The following CNKSR2 variants were observed in gnomAD, a reference collection of about 807,000 sequenced individuals.
CNKSR2 encodes the protein connector enhancer of kinase suppressor of Ras 2.
In CNKSR2, 14 loss-of-function variants were observed where a neutral mutation model predicts 84.4. The ratio of observed to expected loss-of-function variants is 0.17; its 90% CI spans 0.11 to 0.26. The LOEUF is 0.26. CNKSR2 is among the 10% of genes least tolerant of loss of function. The pLI is 1.00. For missense variants in CNKSR2, 485 were observed against 771.2 expected, an observed-to-expected ratio of 0.63 and a Z score of 4.40; for synonymous variants, 275 against 277.9, an observed-to-expected ratio of 0.99 and a Z score of 0.10.
intron 11 of CNKSR2, among the ~76,000 whole-genome samples, chrX:21,532,661 A>G (rs1051854925): frequency 6.3e-5 from 7 of 111,436 alleles, no homozygotes; most frequent in African/African-American, 1.9e-4. Flanking sequence ...TTCATGACCG[A>G]AAAAGTAACC....
chrX:21,522,399 C>T (rs891097042), intron 9 of CNKSR2, among the ~76,000 whole-genome samples: 1 of 111,064 alleles, frequency 9.0e-6, no homozygotes, highest in Non-Finnish European at 1.9e-5. Context: ...ATGTGTAATG[C>T]ACTGTTTTAA....
At chrX:21,481,863 C>T (rs952865028) in intron 5 of CNKSR2, among the ~76,000 whole-genome samples, 2 of 111,612 alleles carry the variant, frequency 1.8e-5, no homozygotes, top group Non-Finnish European at 3.8e-5. Flanking sequence ...CTCAGTCATA[C>T]AGCCACAAGG....
chrX:21,399,246 T>G (rs2090157765), intron 1 of CNKSR2, among the ~76,000 whole-genome samples: 2 of 111,524 alleles, frequency 1.8e-5, no homozygotes, highest in African/African-American at 6.5e-5. Flanking sequence ...TAGAAGTGTT[T>G]TCTTAATATG....
chrX:21,388,694 A>G (rs781221925), intron 1 of CNKSR2, among the ~76,000 whole-genome samples: 17 of 111,931 alleles, frequency 1.5e-4, no homozygotes, highest in African/African-American at 5.5e-4. Context: ...AAGTAGAGAA[A>G]TGGAGGAGAA....
chrX:21,604,966 C>T (rs994882353), intron 18 of CNKSR2, among the ~76,000 whole-genome samples: 3 of 111,980 alleles, frequency 2.7e-5, no homozygotes, highest in Non-Finnish European at 3.8e-5. Flanking sequence ...TGTCATGCTA[C>T]TACAAATATA....
At position 21,653,403 on chromosome X, in the gene CNKSR2, A is replaced by G. The variant is rs1182125159; in HGVS notation, c.*882A>G. On this transcript the variant is annotated 3_prime_UTR_variant, in exon 22 of 22. Transcript: ENST00000379510. The stretch of plus-strand genomic sequence containing the variant: ...CCCAAACTCATGTTTTTAAACTCCA[A>G]CTCTTAAAAGACAACAAGGTATAAA... The G allele has an allele frequency of 9.1e-6, 1 of 110,378 alleles. No individual in the cohort carries two copies. The highest frequency in any genetic ancestry group is 3.3e-5 in the African/African-American group (1 of 30,390). 9.1% of individuals were successfully genotyped at this position (110,378 alleles called of 1,213,427 possible).
chrX:21,583,049 T>C (rs1435027232), intron 13 of CNKSR2, among the ~76,000 whole-genome samples: 1 of 111,986 alleles, frequency 8.9e-6, no homozygotes, highest in Non-Finnish European at 1.9e-5. Context: ...GACTGCTAAT[T>C]TACTGGTTTA....
intron 1 of CNKSR2, among the ~76,000 whole-genome samples, chrX:21,403,803 A>G (rs1460770985): frequency 2.7e-5 from 3 of 111,845 alleles, no homozygotes; most frequent in Non-Finnish European, 5.7e-5. Flanking sequence ...AATTAAATGC[A>G]GAATCTTACC....
intron 1 of CNKSR2, among the ~76,000 whole-genome samples, chrX:21,409,235 T>G (rs1485965186): frequency 4.3e-4 from 1 of 2,327 alleles, no homozygotes; most frequent in Non-Finnish European, 7.4e-4. Context: ...AAATTATATA[T>G]ATATATATAT....
chrX:21,490,359 A>G lies in CNKSR2; in HGVS notation c.562-100A>G, dbSNP rs1003938435. 1.1e-5 allele frequency: 9 copies of G among 833,849 alleles called. No homozygotes were observed. In the African/African-American group the frequency reaches 1.9e-4, roughly 17 times the overall value. 68.7% of individuals were successfully genotyped at this position (833,849 alleles called of 1,213,427 possible). Reference sequence around the variant, plus strand: ...AATAAAATGCCAGTTACTTTCTTCTACTGTTTATTTTTCCTTATGAAAACG... The same window carrying G: ...AATAAAATGCCAGTTACTTTCTTCTGCTGTTTATTTTTCCTTATGAAAACG... On this transcript the variant is annotated intron_variant, in intron 5 of 21. Coordinates refer to ENST00000379510, the MANE Select transcript of CNKSR2 (RefSeq NM_014927.5).
At chrX:21,447,135 A>G (rs1285032710) in intron 4 of CNKSR2, among the ~76,000 whole-genome samples, 1 of 111,437 alleles carries the variant, frequency 9.0e-6, no homozygotes, top group African/African-American at 3.3e-5. Context: ...CAATTTATGT[A>G]TTTCTGAATT....
intron 1 of CNKSR2, among the ~76,000 whole-genome samples, chrX:21,389,606 G>C (rs1286806844): frequency 9.0e-6 from 1 of 111,660 alleles, no homozygotes; most frequent in East Asian, 2.8e-4. Flanking sequence ...AGGGCACTTG[G>C]GATATAGAGT....
rs1180787577 is a variant in CNKSR2, at chrX:21,609,326, TCCCCAGAGCACAGGCGGCAGTCTA to T, written c.2405_2428del (p.Pro802_Thr809del). 1.7e-6 allele frequency: 2 copies of T among 1,211,101 alleles called. No individual in the cohort carries two copies. The highest frequency in any genetic ancestry group is 2.2e-6 in the Non-Finnish European group (2 of 895,306). Reference sequence around the variant, plus strand: ...TGTCTTCTCTGACTCCGCGGCCATCTCCCCAGAGCACAGGCGGCAGTCTACCCTGCCAACTCAGAAATGCCACCT... The same window carrying T: ...TGTCTTCTCTGACTCCGCGGCCATCTCCCTGCCAACTCAGAAATGCCACCT... On this transcript the variant is annotated inframe_deletion, in exon 20 of 22. Transcript: ENST00000379510.
chrX:21,394,925 A>G (rs2090101310), intron 1 of CNKSR2, among the ~76,000 whole-genome samples: 1 of 111,638 alleles, frequency 9.0e-6, no homozygotes, highest in Non-Finnish European at 1.9e-5. Context: ...AAATGAACCA[A>G]TTCGTTTCAG....
At chrX:21,539,663 A>G (rs917137713) in intron 11 of CNKSR2, among the ~76,000 whole-genome samples, 11 of 110,762 alleles carry the variant, frequency 9.9e-5, no homozygotes, top group Admixed American at 7.7e-4. Flanking sequence ...AGGGAAAGAC[A>G]TTTTTCTGCA....
At chrX:21,517,200 C>T (rs1038813196) in intron 9 of CNKSR2, among the ~76,000 whole-genome samples, 6 of 110,489 alleles carry the variant, frequency 5.4e-5, no homozygotes, top group African/African-American at 2.0e-4. Flanking sequence ...CCCTGGGCAA[C>T]ATAGCAAAAC....
chrX:21,606,989 A>C, intron 19 of CNKSR2, 110 bp downstream of exon 19: 1 of 397,485 alleles, frequency 2.5e-6, no homozygotes, highest in Non-Finnish European at 4.1e-6. Context: ...AAGGTTTCTC[A>C]GCGGAAAAGA....
At chrX:21,577,957 T>A (rs1202988786) in intron 13 of CNKSR2, among the ~76,000 whole-genome samples, 1 of 111,329 alleles carries the variant, frequency 9.0e-6, no homozygotes, top group Non-Finnish European at 1.9e-5. Flanking sequence ...TAGATTCTAG[T>A]TTTTTAAAGA....
chrX:21,646,932 G>T (rs73453527), intron 20 of CNKSR2, among the ~76,000 whole-genome samples: 4 of 111,587 alleles, frequency 3.6e-5, no homozygotes, highest in African/African-American at 1.3e-4. Flanking sequence ...ACTCCATTTA[G>T]TTATTCTAAA....
Sources: gnomAD v4.1 joint callset for allele counts (sites outside exome capture counted in the v4.1 genomes callset) on GRCh38, gnomAD v4.1.1 for gene constraint, MANE v1.5 for transcripts, NCBI Gene and HGNC (gene_info 2026-07-23, HGNC 2026-07-21) for gene names.